Variants in CMC2 observed in about 807,000 individuals in gnomAD.
CMC2 encodes the protein C-X9-C motif containing 2.
Under a neutral mutation model 7.5 loss-of-function variants are expected in CMC2, and 5 were observed. The ratio of observed to expected loss-of-function variants is 0.66; its 90% CI spans 0.35 to 1.40. The LOEUF is 1.40. Among genes scored for constraint, CMC2 ranks in the 40% most tolerant of loss-of-function variants. CMC2 has a pLI of 0.04. For missense variants in CMC2, 115 were observed against 92.3 expected, an observed-to-expected ratio of 1.25 and a Z score of -1.01; for synonymous variants, 37 against 31.4, an observed-to-expected ratio of 1.18 and a Z score of -0.60.
In CMC2 at chr16:80,976,052, T is replaced by G. The variant is rs72813721; in HGVS notation, c.*41A>C. 0.045 allele frequency: 51,180 copies of G among 1,132,558 alleles called. 1,426 individuals carry two copies. The highest frequency in any genetic ancestry group is 0.051 in the Non-Finnish European group (38,005 of 744,038). The allele number at this position is 1,132,558 out of a possible 1,614,324, so 70.2% of individuals were successfully genotyped here. The stretch of plus-strand genomic sequence containing the variant: ...TCTTTCAGGTATCAACCCAGAGTCT[T>G]TAGGTCTTCTCTCAGCCAAGGCATC... On this transcript the variant is annotated 3_prime_UTR_variant, in exon 4 of 4. Transcript: ENST00000219400.
intron 3 of CMC2, among the ~76,000 whole-genome samples, chr16:80,977,213 C>T (rs1912497588): frequency 6.6e-6 from 1 of 152,166 alleles, no homozygotes; most frequent in South Asian, 2.1e-4. Flanking sequence ...TACATATAAA[C>T]ACAGTTTTCA....
intron 3 of CMC2, among the ~76,000 whole-genome samples, chr16:80,978,797 G>A (rs1966876653): frequency 6.6e-6 from 1 of 152,020 alleles, no homozygotes; most frequent in Non-Finnish European, 1.5e-5. Context: ...AAAGCTTCAT[G>A]GAGGCTGGGC....
intron 3 of CMC2, among the ~76,000 whole-genome samples, chr16:80,978,580 G>C (rs1007247179): frequency 6.6e-6 from 1 of 151,962 alleles, no homozygotes; most frequent in Admixed American, 6.6e-5. Flanking sequence ...TCAAGAAGAA[G>C]AACAAAAGGC....
chr16:80,986,660 C>G (rs1190878159), intron 2 of CMC2, among the ~76,000 whole-genome samples: 2 of 152,164 alleles, frequency 1.3e-5, no homozygotes, highest in Non-Finnish European at 2.9e-5. Context: ...AAGAGAGATT[C>G]GGCAGAGAAC....
At chr16:80,990,080 T>C (rs1967850153) in intron 2 of CMC2, among the ~76,000 whole-genome samples, 1 of 144,932 alleles carries the variant, frequency 6.9e-6, no homozygotes, top group Non-Finnish European at 1.5e-5. Flanking sequence ...TTCCCAACTC[T>C]GCTCATCCTT....
intron 1 of CMC2, chr16:81,006,369 C>G (rs958171137): frequency 1.3e-5 from 2 of 152,268 alleles, no homozygotes; most frequent in Admixed American, 1.3e-4. Context: ...CTCATCGTGT[C>G]AAACCCTGTG....
Position 80,966,514 on chromosome 16 carries a change from C to A in CMC2, c.*9579G>T, listed in dbSNP as rs1266148165. On this transcript the variant is annotated 3_prime_UTR_variant, in exon 4 of 4. Transcript: ENST00000219400. ...TTTTACACTTGTATCTTGTTTTGGT[C>A]TTAGGTTGAAAATCTTGGTTTCTAC... 6.6e-6 allele frequency: 1 copy of A among 152,080 alleles called. No individual in the cohort carries two copies. Among genetic ancestry groups the A allele is most frequent in the Non-Finnish European group, 1.5e-5 (1 of 68,010 alleles). The allele number at this position is 152,080 out of a possible 1,614,324, so 9.4% of individuals were successfully genotyped here.
intron 1 of CMC2, among the ~76,000 whole-genome samples, chr16:81,003,702 A>G (rs1969028941): frequency 6.6e-6 from 1 of 152,244 alleles, no homozygotes; most frequent in African/African-American, 2.4e-5. Flanking sequence ...TTCAAAAGGT[A>G]GTCATTCTAG....
chr16:80,988,406 G>C, intron 2 of CMC2: 1 of 606,116 alleles, frequency 1.6e-6, no homozygotes. Flanking sequence ...GTTAGGTAAA[G>C]TATTTCTTGA....
chr16:80,980,868 C>A (rs750739201), intron 3 of CMC2: 4 of 698,582 alleles, frequency 5.7e-6, no homozygotes, highest in South Asian at 4.5e-5. Flanking sequence ...GCTTAGGTGA[C>A]AGAGCAAGAA....
At chr16:81,005,590 G>GCGACTTATTACAA (rs140209849) in intron 1 of CMC2, among the ~76,000 whole-genome samples, 1 of 151,650 alleles carries the variant, frequency 6.6e-6, no homozygotes, top group Non-Finnish European at 1.5e-5. Context: ...ACTTATCACA[G>GCGACTTATTACAA]GACCAGTTCT....
In CMC2 at chr16:80,976,144, G is replaced by C; in HGVS notation, c.189C>G (p.Gly63=). Residue 63 remains glycine (G), a synonymous_variant, in exon 4 of 4, where the codon GGC becomes GGG. Coordinates refer to ENST00000219400, the MANE Select transcript of CMC2 (RefSeq NM_020188.5). The stretch of plus-strand genomic sequence containing the variant: ...TAAAAAGTTTCTTTCGCATTGCAAT[G>C]CCATGCTCCCTGCTCTTGGTCCTGT... ...VENRTKSREH[G]IAMRKKLFNP... The C allele has an allele frequency of 6.2e-7, 1 of 1,609,122 alleles. No individual in the cohort carries two copies. Among genetic ancestry groups the C allele is most frequent in the African/African-American group, 1.3e-5 (1 of 74,838 alleles).
chr16:80,988,489 T>A, intron 2 of CMC2: 1 of 689,590 alleles, frequency 1.5e-6, no homozygotes, highest in Non-Finnish European at 2.6e-6. Context: ...GTACAAAGAA[T>A]TTCCAAATAG....
Position 80,978,830 on chromosome 16 carries a change from C to G in CMC2, c.154-2651G>C, listed in dbSNP as rs182450992. On this transcript the variant is annotated intron_variant, in intron 3 of 3. Transcript: ENST00000219400. ...GGCGCAGTGGCTCACGCCTGTAACC[C>G]CAGCACTTTAGGAGGCCAAGGCGGG... Among the ~76,000 whole-genome samples the G allele has an allele frequency of 7.9e-5, 12 of 152,268 alleles. 1 individual carries two copies. The East Asian group carries it at 2.3e-3, about 29-fold the overall frequency.
chr16:80,978,418 G>T (rs770506310), intron 3 of CMC2: 1 of 1,248,254 alleles, frequency 8.0e-7, no homozygotes. Context: ...GATGGTCCCT[G>T]AATAAAAGGG....
At chr16:81,005,550 G>A (rs1356483919) in intron 1 of CMC2, among the ~76,000 whole-genome samples, 2 of 151,800 alleles carry the variant, frequency 1.3e-5, no homozygotes, top group Non-Finnish European at 2.9e-5. Flanking sequence ...TCGCAGACAC[G>A]GTCGGGGACG....
chr16:81,005,645 C>A (rs1969244118), intron 1 of CMC2, among the ~76,000 whole-genome samples: 2 of 152,054 alleles, frequency 1.3e-5, no homozygotes, highest in East Asian at 3.9e-4. Context: ...CACTGTAGAC[C>A]CCATGCCAGG....
Position 80,973,860 on chromosome 16 carries a change from G to A in CMC2, c.*2233C>T, listed in dbSNP as rs984971265. On this transcript the variant is annotated 3_prime_UTR_variant, in exon 4 of 4. Transcript: ENST00000219400. ...AGAGTAAGACCTAAAAACAGTAGGTGGTTTGAATATCCCATAAAAACGTAC... is the reference window on the plus strand; with the variant it reads ...AGAGTAAGACCTAAAAACAGTAGGTAGTTTGAATATCCCATAAAAACGTAC... 8.6e-5 allele frequency: 13 copies of A among 152,044 alleles called. No individual in the cohort carries two copies. Among genetic ancestry groups the A allele is most frequent in the African/African-American group, 3.1e-4 (13 of 41,358 alleles). 9.4% of individuals were successfully genotyped at this position (152,044 alleles called of 1,614,324 possible).
At chr16:80,997,642 T>C in intron 1 of CMC2, 1 of 317,778 alleles carries the variant, frequency 3.1e-6, no homozygotes, top group Non-Finnish European at 5.8e-6. Flanking sequence ...TTAGAGAACC[T>C]ACAGGTTCAG....
Sources: gnomAD v4.1 joint callset for allele counts (sites outside exome capture counted in the v4.1 genomes callset) on GRCh38, gnomAD v4.1.1 for gene constraint, MANE v1.5 for transcripts, NCBI Gene and HGNC (gene_info 2026-07-23, HGNC 2026-07-21) for gene names.